The following KCNQ1OT1 variants were observed in gnomAD, a reference collection of about 807,000 sequenced individuals.
The protein encoded by KCNQ1OT1 is KCNQ1 opposite strand/antisense transcript 1.
At chr11:2,649,465 G>C (rs1849724645) in exon 1 of KCNQ1OT1, 1 of 398,428 alleles carries the variant, frequency 2.5e-6, no homozygotes, top group African/African-American at 2.1e-5. Context: ...TTGTGGGGCT[G>C]ATTTAGTAGT....
chr11:2,650,425 C>T (rs985627286), exon 1 of KCNQ1OT1: 14 of 398,418 alleles, frequency 3.5e-5, no homozygotes, highest in African/African-American at 2.5e-4. Flanking sequence ...TTTTCCTGTA[C>T]ACGCGTCTGT....
At position 2,612,583 on chromosome 11, in the gene KCNQ1OT1, A is replaced by G. The variant is rs1307380747; in HGVS notation, n.87412T>C. 3 of 398,324 alleles carry G rather than the reference A, an allele frequency of 7.5e-6. No homozygotes were observed. The highest frequency in any genetic ancestry group is 4.1e-5 in the African/African-American group (2 of 48,562). 24.7% of individuals were successfully genotyped at this position (398,324 alleles called of 1,614,324 possible). A position where few individuals can be genotyped will look rare whatever the true frequency, so the allele number is the denominator to read the frequency against. ...TATATTTCACAACTACAGAATTTCT[A>G]TTTGGTTTCTAATTTCTATCTCTAT... On this transcript the variant is annotated non_coding_transcript_exon_variant, in exon 1 of 1. Transcript: ENST00000597346. The surrounding 1 kb of genome is among the most constrained non-coding windows in gnomAD (Gnocchi z 5.5).
chr11:2,658,234 A>G lies in KCNQ1OT1; in HGVS notation n.41761T>C, dbSNP rs1289938645. 2.5e-6 allele frequency: 1 copy of G among 398,512 alleles called. No homozygotes were observed. The highest frequency in any genetic ancestry group is 4.4e-6 in the Non-Finnish European group (1 of 226,076). The allele number at this position is 398,512 out of a possible 1,614,324, so 24.7% of individuals were successfully genotyped here. A position where few individuals can be genotyped will look rare whatever the true frequency, so the allele number is the denominator to read the frequency against. ...ATTCATTCATGGATCGTTTTCCTGC[A>G]GCAAATATTACCGTGATGTACTTCT... is the stretch of plus-strand genomic sequence containing the variant. On this transcript the variant is annotated non_coding_transcript_exon_variant, in exon 1 of 1. Coordinates refer to ENST00000597346, the Ensembl canonical transcript of KCNQ1OT1. This position sits in a 1 kb window ranked among gnomAD's most constrained non-coding sequence, Gnocchi z 4.9.
rs753256800 is a variant in KCNQ1OT1 at position 2,662,023 on chromosome 11, G to A, written n.37972C>T. 25 of 1,614,222 alleles carry A rather than the reference G, an allele frequency of 1.5e-5. No individual in the cohort carries two copies. Among genetic ancestry groups the A allele is most frequent in the South Asian group, 7.7e-5 (7 of 91,092 alleles). On this transcript the variant is annotated non_coding_transcript_exon_variant, in exon 1 of 1. Coordinates refer to ENST00000597346, the Ensembl canonical transcript of KCNQ1OT1. Reference sequence around the variant, plus strand: ...CCATTTCATGAGAACCAACAGCTTCGCCGAGGACCTGGACCTGGAAGGGGA... The same window carrying A: ...CCATTTCATGAGAACCAACAGCTTCACCGAGGACCTGGACCTGGAAGGGGA...
In KCNQ1OT1 at chr11:2,678,312, TTTTA is replaced by T; in HGVS notation, n.21679_21682del. 1 of 398,510 alleles carries T rather than the reference TTTTA, an allele frequency of 2.5e-6. No individual in the cohort carries two copies. Among genetic ancestry groups the T allele is most frequent in the Non-Finnish European group, 4.4e-6 (1 of 226,004 alleles). 24.7% of individuals were successfully genotyped at this position (398,510 alleles called of 1,614,324 possible). On this transcript the variant is annotated non_coding_transcript_exon_variant, in exon 1 of 1. Transcript: ENST00000597346. This position sits in a 1 kb window ranked among gnomAD's most constrained non-coding sequence, Gnocchi z 4.9. Reference sequence around the variant, plus strand: ...TTCTTCCATGTTTTCTTCTATCATTTTTTATTTCATTTTTTACATTTAAATCCTT... The same window carrying T: ...TTCTTCCATGTTTTCTTCTATCATTTTTTCATTTTTTACATTTAAATCCTT...
At position 2,678,939 on chromosome 11, in the gene KCNQ1OT1, T is replaced by C; in HGVS notation, n.21056A>G. The C allele has an allele frequency of 2.5e-6, 1 of 398,610 alleles. No homozygotes were observed. Among genetic ancestry groups the C allele is most frequent in the African/African-American group, 2.1e-5 (1 of 48,738 alleles). 24.7% of individuals were successfully genotyped at this position (398,610 alleles called of 1,614,324 possible). A position where few individuals can be genotyped will look rare whatever the true frequency, so the allele number is the denominator to read the frequency against. ...TTCAGGGCATCTTGGAAAAACTGAA[T>C]TTGCTAACTCAATAGAGAACAAAAG... On this transcript the variant is annotated non_coding_transcript_exon_variant, in exon 1 of 1. Transcript: ENST00000597346. This position sits in a 1 kb window ranked among gnomAD's most constrained non-coding sequence, Gnocchi z 4.9.
rs1322812746 is a variant in KCNQ1OT1, at chr11:2,651,006, A to G, written n.48989T>C. On this transcript the variant is annotated non_coding_transcript_exon_variant, in exon 1 of 1. Transcript: ENST00000597346. The surrounding 1 kb of genome is among the most constrained non-coding windows in gnomAD (Gnocchi z 6.1). ...CAACTCTCTGGATTTGCCCACACCTAGTCTCTCCAGCTATCTCCCTGGTTA... is the reference window on the plus strand; with the variant it reads ...CAACTCTCTGGATTTGCCCACACCTGGTCTCTCCAGCTATCTCCCTGGTTA... 11 of 398,532 alleles carry G rather than the reference A, an allele frequency of 2.8e-5. No individual in the cohort carries two copies. The highest frequency in any genetic ancestry group is 4.4e-5 in the Non-Finnish European group (10 of 226,118). 24.7% of individuals were successfully genotyped at this position (398,532 alleles called of 1,614,324 possible). A position where few individuals can be genotyped will look rare whatever the true frequency, so the allele number is the denominator to read the frequency against.
At chr11:2,681,859 G>A in exon 1 of KCNQ1OT1, 1 of 398,532 alleles carries the variant, frequency 2.5e-6, no homozygotes, top group East Asian at 3.6e-5. Flanking sequence ...TACTCCAAAG[G>A]AGGCCCAGCA....
exon 1 of KCNQ1OT1, chr11:2,685,592 A>G (rs1177833871): frequency 5.0e-6 from 2 of 398,592 alleles, no homozygotes; most frequent in Non-Finnish European, 8.8e-6. Flanking sequence ...CATGACAGGA[A>G]GCTAGGAGGG....
At chr11:2,616,585 T>C in exon 1 of KCNQ1OT1, 3 of 398,198 alleles carry the variant, frequency 7.5e-6, no homozygotes, top group Non-Finnish European at 1.3e-5. Flanking sequence ...GTATGTTGTG[T>C]CGTCATTTTC....
In KCNQ1OT1 at chr11:2,608,463, C is replaced by T. The variant is rs537910940; in HGVS notation, n.91532G>A. The T allele has an allele frequency of 1.6e-4, 62 of 398,426 alleles. No homozygotes were observed. Among genetic ancestry groups the T allele is most frequent in the Non-Finnish European group, 2.4e-4 (54 of 226,010 alleles). 24.7% of individuals were successfully genotyped at this position (398,426 alleles called of 1,614,324 possible). A position where few individuals can be genotyped will look rare whatever the true frequency, so the allele number is the denominator to read the frequency against. The stretch of plus-strand genomic sequence containing the variant: ...TCTGTCAGGTTGGTAGTATACTTCC[C>T]TCATTCATTCCTTTTTCCTTTTCTT... On this transcript the variant is annotated non_coding_transcript_exon_variant, in exon 1 of 1. Coordinates refer to ENST00000597346, the Ensembl canonical transcript of KCNQ1OT1. The surrounding 1 kb of genome is among the most constrained non-coding windows in gnomAD (Gnocchi z 4.6).
chr11:2,673,834 C>T lies in KCNQ1OT1; in HGVS notation n.26161G>A. On this transcript the variant is annotated non_coding_transcript_exon_variant, in exon 1 of 1. Coordinates refer to ENST00000597346, the Ensembl canonical transcript of KCNQ1OT1. This position sits in a 1 kb window ranked among gnomAD's most constrained non-coding sequence, Gnocchi z 4.5. Reference sequence around the variant, plus strand: ...AATCCCAGGCCCACAAGCACCACAGCCAGGAGAGTCAAGGTTGGATATGAA... The same window carrying T: ...AATCCCAGGCCCACAAGCACCACAGTCAGGAGAGTCAAGGTTGGATATGAA... The T allele has an allele frequency of 2.5e-6, 1 of 398,786 alleles. No individual in the cohort carries two copies. The highest frequency in any genetic ancestry group is 3.6e-5 in the East Asian group (1 of 28,078). 24.7% of individuals were successfully genotyped at this position (398,786 alleles called of 1,614,324 possible).
exon 1 of KCNQ1OT1, chr11:2,637,256 T>C (rs770564799): frequency 6.6e-6 from 1 of 152,216 alleles, no homozygotes; most frequent in Non-Finnish European, 1.5e-5. Flanking sequence ...CTTCTCTAGT[T>C]CTTTTAATTG....
chr11:2,672,058 C>G lies in KCNQ1OT1; in HGVS notation n.27937G>C, dbSNP rs542085421. 1,026 of 398,708 alleles carry G rather than the reference C, an allele frequency of 2.6e-3. 4 individuals carry two copies. Among genetic ancestry groups the G allele is most frequent in the Admixed American group, 3.3e-3 (75 of 22,736 alleles). 24.7% of individuals were successfully genotyped at this position (398,708 alleles called of 1,614,324 possible). On this transcript the variant is annotated non_coding_transcript_exon_variant, in exon 1 of 1. Coordinates refer to ENST00000597346, the Ensembl canonical transcript of KCNQ1OT1. Reference sequence around the variant, plus strand: ...CCGGTCTGCACTCAAGCCCAGTATCCTCCCCTGGTCCCTGGTCTGGACTGA... The same window carrying G: ...CCGGTCTGCACTCAAGCCCAGTATCGTCCCCTGGTCCCTGGTCTGGACTGA...
exon 1 of KCNQ1OT1, chr11:2,675,858 C>A (rs987644535): frequency 2.5e-6 from 1 of 398,610 alleles, no homozygotes. Flanking sequence ...CTGGCCAACA[C>A]CTGCCTTCTG....
rs1850187390 is a variant in KCNQ1OT1 at position 2,671,757 on chromosome 11, A to T, written n.28238T>A. The T allele has an allele frequency of 5.0e-6, 2 of 398,692 alleles. No individual in the cohort carries two copies. The highest frequency in any genetic ancestry group is 4.1e-5 in the African/African-American group (2 of 48,748). 24.7% of individuals were successfully genotyped at this position (398,692 alleles called of 1,614,324 possible). ...AGAGAACAAGGAGCTACATACACATACATGCATGCACATAATCATTCTGAC... is the reference window on the plus strand; with the variant it reads ...AGAGAACAAGGAGCTACATACACATTCATGCATGCACATAATCATTCTGAC... On this transcript the variant is annotated non_coding_transcript_exon_variant, in exon 1 of 1. Coordinates refer to ENST00000597346, the Ensembl canonical transcript of KCNQ1OT1. The surrounding 1 kb of genome is among the most constrained non-coding windows in gnomAD (Gnocchi z 4.7).
chr11:2,672,903 T>G, exon 1 of KCNQ1OT1: 1 of 398,760 alleles, frequency 2.5e-6, no homozygotes, highest in Non-Finnish European at 4.4e-6. Context: ...TATGTGGCAC[T>G]TGAGGCCTTG....
At chr11:2,614,602 T>C (rs1849031429) in exon 1 of KCNQ1OT1, 1 of 398,390 alleles carries the variant, frequency 2.5e-6, no homozygotes, top group African/African-American at 2.1e-5. Flanking sequence ...TATATGAGGA[T>C]CCAGTTGCCC....
rs1341981966 is a variant in KCNQ1OT1 at position 2,658,192 on chromosome 11, CACTA to C, written n.41799_41802del. On this transcript the variant is annotated non_coding_transcript_exon_variant, in exon 1 of 1. Transcript: ENST00000597346. The surrounding 1 kb of genome is among the most constrained non-coding windows in gnomAD (Gnocchi z 4.9). ...AAGAAACTGTGAAGTTTCTGAGTTTCACTAACTAATTTCAGCATTCATTCATGGA... is the reference window on the plus strand; with the variant it reads ...AAGAAACTGTGAAGTTTCTGAGTTTCACTAATTTCAGCATTCATTCATGGA... 3 of 398,462 alleles carry C rather than the reference CACTA, an allele frequency of 7.5e-6. No homozygotes were observed. The highest frequency in any genetic ancestry group is 1.3e-5 in the Non-Finnish European group (3 of 226,062). 24.7% of individuals were successfully genotyped at this position (398,462 alleles called of 1,614,324 possible).
Sources: allele counts gnomAD v4.1 joint callset, GRCh38; gene constraint gnomAD v4.1.1; non-coding constraint Gnocchi (gnomAD v3.1); transcripts MANE v1.5; gene names NCBI Gene and HGNC (gene_info 2026-07-23, HGNC 2026-07-21).